Variants in TCAIM observed in about 807,000 individuals in gnomAD.
The protein encoded by TCAIM is T-cell activation inhibitor, mitochondrial.
TCAIM carries 36 observed loss-of-function variants against 58.6 expected under a neutral mutation model. The ratio of observed to expected loss-of-function variants is 0.61; its 90% CI spans 0.47 to 0.81. The LOEUF (loss-of-function observed/expected upper bound fraction) is 0.81. Among genes scored for constraint, TCAIM ranks in the 30% least tolerant of loss-of-function variants. The probability of loss-of-function intolerance (pLI) is 0.00; values close to 1 mark genes in which losing one functional copy is unlikely to be tolerated. For missense variants in TCAIM, 466 were observed against 579.6 expected (o/e 0.80, Z 2.01); for synonymous variants, 172 against 193.6 (o/e 0.89, Z 0.93).
At chr3:44,343,557 G>T (rs922548766) in intron 1 of TCAIM, among the ~76,000 whole-genome samples, 1 of 152,140 alleles carries the variant, frequency 6.6e-6, no homozygotes, top group Non-Finnish European at 1.5e-5. Flanking sequence ...TTTAAATCCA[G>T]TGGGTATGTT....
chr3:44,381,873 A>G (rs1454157989), intron 5 of TCAIM, among the ~76,000 whole-genome samples: 1 of 152,216 alleles, frequency 6.6e-6, no homozygotes, highest in African/African-American at 2.4e-5. Flanking sequence ...AAACAATTCC[A>G]TTTACAATAG....
intron 2 of TCAIM, among the ~76,000 whole-genome samples, chr3:44,355,905 C>A (rs747775054): frequency 6.6e-6 from 1 of 152,174 alleles, no homozygotes; most frequent in East Asian, 1.9e-4. Context: ...GAAATGAGAA[C>A]GGAAGCTCAG....
chr3:44,407,173 T>G (rs183341597), intron 10 of TCAIM, among the ~76,000 whole-genome samples: 5 of 152,218 alleles, frequency 3.3e-5, no homozygotes, highest in African/African-American at 1.2e-4. Context: ...AGAGCTTTTT[T>G]AAATTTATGT....
intron 5 of TCAIM, among the ~76,000 whole-genome samples, chr3:44,381,995 G>C (rs1353663455): frequency 6.6e-6 from 1 of 152,110 alleles, no homozygotes; most frequent in African/African-American, 2.4e-5. Flanking sequence ...TAAGTAAATG[G>C]AAAGGCATTC....
intron 5 of TCAIM, among the ~76,000 whole-genome samples, chr3:44,381,425 A>G (rs1270018601): frequency 6.6e-6 from 1 of 152,194 alleles, no homozygotes; most frequent in African/African-American, 2.4e-5. Context: ...TGCAAAAAGT[A>G]TTTGACAAAA....
intron 1 of TCAIM, among the ~76,000 whole-genome samples, chr3:44,350,200 G>T (rs79411866): frequency 0.15 from 22,368 of 152,104 alleles, 1,690 homozygotes; most frequent in Admixed American, 0.17. Context: ...AGTCAAACGG[G>T]GTTGTTCTCT....
At chr3:44,383,472 TTA>T (rs1313153587) in intron 5 of TCAIM, among the ~76,000 whole-genome samples, 1 of 152,126 alleles carries the variant, frequency 6.6e-6, no homozygotes, top group Non-Finnish European at 1.5e-5. Context: ...ATGATTCTAC[TTA>T]TGTGAAGTAC....
At chr3:44,372,222 G>A (rs542366847) in intron 5 of TCAIM, among the ~76,000 whole-genome samples, 1 of 152,250 alleles carries the variant, frequency 6.6e-6, no homozygotes, top group African/African-American at 2.4e-5. Flanking sequence ...CTCATGTATA[G>A]CAAGAGAAAA....
At chr3:44,366,602 AG>A (rs1701380982) in intron 4 of TCAIM, among the ~76,000 whole-genome samples, 1 of 149,298 alleles carries the variant, frequency 6.7e-6, no homozygotes, top group African/African-American at 2.5e-5. Flanking sequence ...CTGGGACTAC[AG>A]GCGCCCGCCA....
chr3:44,406,774 T>C (rs748851993), intron 10 of TCAIM, among the ~76,000 whole-genome samples: 20 of 152,206 alleles, frequency 1.3e-4, no homozygotes, highest in Non-Finnish European at 2.5e-4. Context: ...CATGTGTTGG[T>C]CTAGATGTAG....
At chr3:44,389,256 C>T (rs1349380322) in intron 5 of TCAIM, among the ~76,000 whole-genome samples, 1 of 152,200 alleles carries the variant, frequency 6.6e-6, no homozygotes, top group Non-Finnish European at 1.5e-5. Context: ...TGCCACTGCA[C>T]TCCAGCCTGG....
chr3:44,376,427 G>A (rs1042823785), intron 5 of TCAIM, among the ~76,000 whole-genome samples: 2 of 152,196 alleles, frequency 1.3e-5, no homozygotes, highest in Non-Finnish European at 2.9e-5. Flanking sequence ...GGTAACAACT[G>A]AAAGAGTTGG....
chr3:44,339,279 AC>A (rs1206862409), intron 1 of TCAIM, among the ~76,000 whole-genome samples: 2 of 152,202 alleles, frequency 1.3e-5, no homozygotes, highest in Non-Finnish European at 2.9e-5. Context: ...GCTTTCAGAA[AC>A]CGTACAAGAT....
At chr3:44,376,860 G>A (rs539054895) in intron 5 of TCAIM, among the ~76,000 whole-genome samples, 18 of 152,284 alleles carry the variant, frequency 1.2e-4, no homozygotes, top group East Asian at 1.9e-4. Context: ...AGACTAAGGC[G>A]GGTGGATCAC....
chr3:44,364,340 GT>G (rs1701338811), intron 4 of TCAIM, among the ~76,000 whole-genome samples: 2 of 151,978 alleles, frequency 1.3e-5, no homozygotes, highest in Admixed American at 1.3e-4. Flanking sequence ...TACATAAAGA[GT>G]TTTTACAAAT....
At chr3:44,390,878 C>T (rs9311356) in intron 5 of TCAIM, among the ~76,000 whole-genome samples, 1,536 of 152,152 alleles carry the variant, frequency 0.01, 24 homozygotes, top group African/African-American at 0.035. Context: ...ATGCCTGGGG[C>T]CCACCCCCAA....
At chr3:44,352,295 G>A (rs1701108730) in intron 1 of TCAIM, among the ~76,000 whole-genome samples, 3 of 152,016 alleles carry the variant, frequency 2.0e-5, no homozygotes, top group Admixed American at 2.0e-4. Context: ...GCAAATAATA[G>A]GGCCTTGCAA....
intron 5 of TCAIM, among the ~76,000 whole-genome samples, chr3:44,379,927 A>G (rs914600519): frequency 6.6e-6 from 1 of 152,140 alleles, no homozygotes; most frequent in Non-Finnish European, 1.5e-5. Flanking sequence ...GATCAGGAAC[A>G]ATAACTATCA....
chr3:44,379,280 A>G (rs1701617634), intron 5 of TCAIM, among the ~76,000 whole-genome samples: 1 of 152,216 alleles, frequency 6.6e-6, no homozygotes. Flanking sequence ...GTAAGAGTGT[A>G]TATTAGTTAA....
Sources: allele counts gnomAD v4.1 joint callset (sites outside exome capture counted in the v4.1 genomes callset), GRCh38; gene constraint gnomAD v4.1.1; transcripts MANE v1.5; gene names NCBI Gene and HGNC (gene_info 2026-07-23, HGNC 2026-07-21).